UFD1: variants seen among roughly 807,000 people sequenced by gnomAD.
UFD1 encodes ubiquitin recognition factor in ER-associated degradation protein 1.
A neutral mutation model predicts 45.9 loss-of-function variants in UFD1; 13 were observed. The observed-to-expected ratio is 0.28, with a 90% CI of 0.18 to 0.45. The LOEUF is 0.45. Among genes scored for constraint, UFD1 ranks in the 20% least tolerant of loss-of-function variants. The pLI, the probability that UFD1 is intolerant of heterozygous loss-of-function variation, is 1.00. For missense variants in UFD1, 218 were observed against 389.2 expected, an observed-to-expected ratio of 0.56 and a Z score of 3.70; for synonymous variants, 128 against 139.2, an observed-to-expected ratio of 0.92 and a Z score of 0.56.
intron 4 of UFD1, among the ~76,000 whole-genome samples, chr22:19,468,628 A>G (rs1027518390): frequency 2.6e-5 from 4 of 152,166 alleles, no homozygotes; most frequent in Non-Finnish European, 4.4e-5. Flanking sequence ...CAGAAGCTCT[A>G]TGTCTCTTGC....
chr22:19,472,089 C>T (rs546149651), intron 3 of UFD1, among the ~76,000 whole-genome samples: 14 of 152,264 alleles, frequency 9.2e-5, no homozygotes, highest in African/African-American at 3.1e-4. Context: ...CCCACCATGC[C>T]CTGGACAAAA....
rs1441959227 is a variant in UFD1 at position 19,471,704 on chromosome 22, A to C, written c.274T>G (p.Cys92Gly). 1 of 1,613,342 alleles carries C rather than the reference A, an allele frequency of 6.2e-7. No homozygotes were observed. The highest frequency in any genetic ancestry group is 8.5e-7 in the Non-Finnish European group (1 of 1,180,008). ...VLEFVADEGICYLPHWMMQNL... is the reference protein window; with the variant it reads ...VLEFVADEGIGYLPHWMMQNL... ...CCACTCACCCAGTGTGGGAGGTAGC[A>C]GATGCCCTCATCAGCCACAAACTCC... The change falls in exon 4 of 12, where the codon TGC becomes GGC. Residue 92 changes from cysteine (C) to glycine (G), a missense_variant. Physicochemically the swap from Cys to Gly is radical, Grantham distance 159. This residue lies in a region of UFD1 where 149 missense variants were observed against 307.5 expected (regional missense o/e 0.48). Transcript: ENST00000263202.
At chr22:19,455,555 G>T in intron 10 of UFD1, 125 bp downstream of exon 10, 1 of 823,658 alleles carries the variant, frequency 1.2e-6, no homozygotes. Context: ...AGCAGCTAAG[G>T]GTTTTAGTCC....
chr22:19,470,588 C>A (rs1182686792), intron 4 of UFD1: 1 of 376,372 alleles, frequency 2.7e-6, no homozygotes, highest in East Asian at 7.3e-5. Flanking sequence ...ACTACAGGCA[C>A]GTGCCACCAC....
intron 11 of UFD1, chr22:19,454,518 T>C (rs2089707625): frequency 2.2e-6 from 2 of 929,800 alleles, no homozygotes; most frequent in South Asian, 3.6e-5. Flanking sequence ...CTACCATCCA[T>C]GTAAGATGTG....
intron 5 of UFD1, chr22:19,466,566 A>G (rs1377935508): frequency 6.6e-6 from 1 of 152,310 alleles, no homozygotes; most frequent in East Asian, 1.9e-4. Flanking sequence ...GCGGTGGCTC[A>G]TGCACGTAAT....
intron 4 of UFD1, among the ~76,000 whole-genome samples, chr22:19,469,155 G>A (rs149789324): frequency 3.7e-4 from 56 of 152,348 alleles, no homozygotes; most frequent in African/African-American, 1.2e-3. Flanking sequence ...AGGATGCAGA[G>A]GTGACTGGCT....
chr22:19,460,467 CATA>C (rs1168256121), intron 6 of UFD1, among the ~76,000 whole-genome samples: 19 of 152,118 alleles, frequency 1.2e-4, no homozygotes, highest in Non-Finnish European at 2.4e-4. Flanking sequence ...TATGTATTGG[CATA>C]ATATTAAATA....
chr22:19,450,786 A>C (rs1329774753), intron 11 of UFD1, 42 bp from the exon 12 acceptor site: 2 of 1,613,600 alleles, frequency 1.2e-6, no homozygotes, highest in Non-Finnish European at 1.7e-6. Context: ...AACTCCCTGG[A>C]GGTTTACAAT....
intron 5 of UFD1, chr22:19,467,581 T>C: frequency 3.0e-6 from 1 of 333,906 alleles, no homozygotes; most frequent in Non-Finnish European, 5.6e-6. Flanking sequence ...CCACTGGACA[T>C]ACTGTGCATC....
chr22:19,459,792 G>A (rs1432206546), intron 6 of UFD1, among the ~76,000 whole-genome samples: 1 of 140,892 alleles, frequency 7.1e-6, no homozygotes, highest in East Asian at 2.2e-4. Flanking sequence ...AAGCTGGAGT[G>A]CAATGGTATG....
intron 11 of UFD1, chr22:19,450,967 C>G (rs975088938): frequency 1.6e-6 from 2 of 1,213,076 alleles, no homozygotes; most frequent in Non-Finnish European, 2.1e-6. Context: ...GAGATCCCAT[C>G]TCTACCAAAA....
In UFD1 at chr22:19,462,081, C is replaced by T. The variant is rs149735509; in HGVS notation, c.495+3121G>A. On this transcript the variant is annotated intron_variant, in intron 6 of 11. Transcript: ENST00000263202. Reference sequence around the variant, plus strand: ...GTGGCACGGTCACTGTTCACTGCAACTTCTGCCTCCCGGACTCAAGTGATC... The same window carrying T: ...GTGGCACGGTCACTGTTCACTGCAATTTCTGCCTCCCGGACTCAAGTGATC... Among the ~76,000 whole-genome samples, 238 of 152,260 alleles carry T rather than the reference C, an allele frequency of 1.6e-3. 3 individuals are homozygous for T. In the East Asian group the frequency reaches 0.036, roughly 23 times the overall value.
rs141994142 is a variant in UFD1 at position 19,450,006 on chromosome 22, C to T, written c.*664G>A. ...TAGCATTTGTTCATTCTAACATTCA[C>T]ATGTTTGCTTCTCCATGGAGTTGTT... On this transcript the variant is annotated 3_prime_UTR_variant, in exon 12 of 12. Transcript: ENST00000263202. 3.9e-5 allele frequency: 6 copies of T among 152,160 alleles called. No individual in the cohort carries two copies. The highest frequency in any genetic ancestry group is 1.4e-4 in the African/African-American group (6 of 41,442). The allele number at this position is 152,160 out of a possible 1,614,324, so 9.4% of individuals were successfully genotyped here. A position where few individuals can be genotyped will look rare whatever the true frequency, so the allele number is the denominator to read the frequency against.
intron 1 of UFD1, among the ~76,000 whole-genome samples, chr22:19,476,299 C>T (rs1342708791): frequency 1.3e-5 from 2 of 152,076 alleles, no homozygotes; most frequent in African/African-American, 2.4e-5. Context: ...GTGGTTGCAC[C>T]CCTTCCCCTG....
intron 4 of UFD1, among the ~76,000 whole-genome samples, chr22:19,468,519 T>C (rs775596045): frequency 6.6e-6 from 1 of 152,128 alleles, no homozygotes; most frequent in Non-Finnish European, 1.5e-5. Flanking sequence ...CATGTCTCTA[T>C]TAAACAACCC....
rs548268209 is a variant in UFD1 at position 19,464,439 on chromosome 22, T to C, written c.495+763A>G. On this transcript the variant is annotated intron_variant, in intron 6 of 11. Coordinates refer to ENST00000263202, the MANE Select transcript of UFD1 (RefSeq NM_005659.7). ...GCTCCATGCCTGTGGTGGGACAGCCTGATGGCAGGATTGCCAACTATTACA... is the reference window on the plus strand; with the variant it reads ...GCTCCATGCCTGTGGTGGGACAGCCCGATGGCAGGATTGCCAACTATTACA... Among the ~76,000 whole-genome samples the C allele has an allele frequency of 2.2e-4, 34 of 152,384 alleles. 1 individual carries two copies. The highest frequency in any genetic ancestry group is 7.9e-4 in the African/African-American group (33 of 41,600).
intron 11 of UFD1, chr22:19,453,918 G>T: frequency 1.0e-6 from 1 of 985,588 alleles, no homozygotes; most frequent in Non-Finnish European, 1.2e-6. Flanking sequence ...CGATGGGTCT[G>T]AAGCGCTGGT....
In UFD1 at chr22:19,479,169, C is replaced by A; in HGVS notation, c.-84G>T. 4.5e-6 allele frequency: 7 copies of A among 1,571,984 alleles called. No individual in the cohort carries two copies. Among genetic ancestry groups the A allele is most frequent in the Non-Finnish European group, 6.0e-6 (7 of 1,160,858 alleles). ...CGACCGCTCTCCCAGCCGCCGCTGC[C>A]GCTGCCGCCGCGCCAAGCCGGTACG... On this transcript the variant is annotated 5_prime_UTR_variant, in exon 1 of 12. Coordinates refer to ENST00000263202, the MANE Select transcript of UFD1 (RefSeq NM_005659.7).
Sources: allele counts gnomAD v4.1 joint callset (sites outside exome capture counted in the v4.1 genomes callset), GRCh38; gene constraint gnomAD v4.1.1; regional missense constraint gnomAD v4.1.1; transcripts MANE v1.5; gene names NCBI Gene and HGNC (gene_info 2026-07-23, HGNC 2026-07-21).